Variants in LPP observed in about 807,000 individuals in gnomAD.
The protein encoded by LPP is LIM domain containing preferred translocation partner in lipoma, also known as lipoma-preferred partner.
In LPP, 38 loss-of-function variants were observed where a neutral mutation model predicts 60.4. That is an observed-to-expected ratio of 0.63 (90% CI 0.49 to 0.83). The LOEUF (loss-of-function observed/expected upper bound fraction) is 0.83, where lower values mean the gene tolerates loss of function less well. Ranked by LOEUF, LPP falls within the 40% of genes least tolerant of loss-of-function variation. LPP has a pLI of 0.00. For missense variants in LPP, 902 were observed against 783.6 expected, an observed-to-expected ratio of 1.15 and a Z score of -1.80; for synonymous variants, 328 against 290.8, an observed-to-expected ratio of 1.13 and a Z score of -1.30.
chr3:188,385,293 T>C (rs1777977297), intron 3 of LPP, among the ~76,000 whole-genome samples: 1 of 152,170 alleles, frequency 6.6e-6, no homozygotes, highest in Non-Finnish European at 1.5e-5. Flanking sequence ...AAGGCAGATA[T>C]TTCAGTTCTC....
At chr3:188,794,729 GT>G (rs145854570) in intron 9 of LPP, among the ~76,000 whole-genome samples, 30 of 149,572 alleles carry the variant, frequency 2.0e-4, no homozygotes, top group Non-Finnish European at 3.4e-4. Context: ...CATGACAAAG[GT>G]TTTTTTTTTC....
chr3:188,760,372 T>A (rs937627006), intron 9 of LPP, 90 bp downstream of exon 9: 1 of 1,380,564 alleles, frequency 7.2e-7, no homozygotes, highest in African/African-American at 1.4e-5. Context: ...AGCCATCAGA[T>A]CTTTGCTTCT....
chr3:188,190,251 G>C (rs146315212), intron 1 of LPP, among the ~76,000 whole-genome samples: 2,808 of 152,066 alleles, frequency 0.018, 61 homozygotes, highest in African/African-American at 0.064. Flanking sequence ...TAGAGACGGG[G>C]TTTCACCGTG....
chr3:188,500,585 GTGTT>G (rs2149861653), intron 5 of LPP, among the ~76,000 whole-genome samples: 2 of 152,062 alleles, frequency 1.3e-5, no homozygotes, highest in East Asian at 3.9e-4. Flanking sequence ...GAGTTAGGAA[GTGTT>G]TCCTTCTTTT....
At chr3:188,297,029 C>T (rs183296214) in intron 2 of LPP, among the ~76,000 whole-genome samples, 14 of 152,178 alleles carry the variant, frequency 9.2e-5, no homozygotes, top group Non-Finnish European at 2.1e-4. Context: ...CAAATGTCAA[C>T]ATAGTTCCTT....
intron 4 of LPP, among the ~76,000 whole-genome samples, chr3:188,462,585 T>TATATATATA (rs1799330861): frequency 4.4e-5 from 1 of 22,628 alleles, no homozygotes; most frequent in African/African-American, 1.4e-4. Context: ...TATATATATA[T>TATATATATA]GCATGTGTGT....
chr3:188,665,464 T>G (rs1855574604), intron 7 of LPP, among the ~76,000 whole-genome samples: 1 of 149,692 alleles, frequency 6.7e-6, no homozygotes. Context: ...CTTCTTCTTT[T>G]TTTTTTTTTT....
chr3:188,378,409 A>G lies in LPP; in HGVS notation c.-9-27703A>G, dbSNP rs536704380. 1.2e-3 allele frequency among the ~76,000 whole-genome samples: 176 copies of G among 152,242 alleles called. 1 individual carries two copies. The highest frequency in any genetic ancestry group is 2.0e-3 in the Non-Finnish European group (138 of 68,024). ...ACCTAATCAAACAACTAACTGGGCA[A>G]TGGCAGGCGCCCCTCCCCCAGCCTC... On this transcript the variant is annotated intron_variant, in intron 3 of 11. Coordinates refer to ENST00000617246, the MANE Select transcript of LPP (RefSeq NM_001375462.1).
At chr3:188,460,793 T>C (rs1414348514) in intron 4 of LPP, among the ~76,000 whole-genome samples, 1 of 152,162 alleles carries the variant, frequency 6.6e-6, no homozygotes, top group African/African-American at 2.4e-5. Flanking sequence ...ATAAGTAATA[T>C]AGAGCAGGGA....
chr3:188,265,603 G>A (rs902001545), intron 2 of LPP, among the ~76,000 whole-genome samples: 4 of 152,172 alleles, frequency 2.6e-5, no homozygotes, highest in African/African-American at 7.2e-5. Flanking sequence ...GGGATTGGGG[G>A]AAGGATATTG....
At chr3:188,418,997 G>A (rs895268151) in intron 4 of LPP, among the ~76,000 whole-genome samples, 5 of 152,030 alleles carry the variant, frequency 3.3e-5, no homozygotes, top group African/African-American at 1.2e-4. Flanking sequence ...TGTTAATGTT[G>A]TAATGACTTG....
In LPP at chr3:188,658,061, A is replaced by G. The variant is rs1397823742; in HGVS notation, c.1113+48217A>G. On this transcript the variant is annotated intron_variant, in intron 7 of 11. Transcript: ENST00000617246. ...AATCAACACAGTGACAGTGACAACG[A>G]ATGAGTAACCAGTGTTTTGTTTTTG... 4.6e-5 allele frequency among the ~76,000 whole-genome samples: 7 copies of G among 151,980 alleles called. No homozygotes were observed. In the East Asian group the frequency reaches 1.3e-3, roughly 29 times the overall value.
At position 188,583,288 on chromosome 3, in the gene LPP, C is replaced by T. The variant is rs568283602; in HGVS notation, c.430-25873C>T. ...GATGTGTAGTATCTCATTCCCACCCCGCTTATGCACCATGCTATAGTCACA... is the reference window on the plus strand; with the variant it reads ...GATGTGTAGTATCTCATTCCCACCCTGCTTATGCACCATGCTATAGTCACA... On this transcript the variant is annotated intron_variant, in intron 6 of 11. Transcript: ENST00000617246. 6.6e-5 allele frequency among the ~76,000 whole-genome samples: 10 copies of T among 152,196 alleles called. No homozygotes were observed. The East Asian group carries it at 1.2e-3, about 18-fold the overall frequency.
At chr3:188,750,508 C>G (rs1014718618) in intron 8 of LPP, among the ~76,000 whole-genome samples, 6 of 152,100 alleles carry the variant, frequency 3.9e-5, no homozygotes, top group African/African-American at 1.2e-4. Flanking sequence ...TGGCACACAC[C>G]TGTAATCCCA....
chr3:188,495,082 A>ATTTTTTT (rs373434961), intron 5 of LPP, among the ~76,000 whole-genome samples: 75 of 97,246 alleles, frequency 7.7e-4, no homozygotes, highest in African/African-American at 2.7e-3. Flanking sequence ...ATATATATAT[A>ATTTTTTT]TTTTATTTAT....
Position 188,249,904 on chromosome 3 carries a change from T to A in LPP, c.-67+24377T>A, listed in dbSNP as rs1206225566. Among the ~76,000 whole-genome samples, 200 of 101,086 alleles carry A rather than the reference T, an allele frequency of 2.0e-3. 3 individuals carry two copies. The highest frequency in any genetic ancestry group is 5.2e-3 in the African/African-American group (100 of 19,248). The allele number at this position is 101,086 out of a possible 152,430, so 66.3% of individuals were successfully genotyped here. A position where few individuals can be genotyped will look rare whatever the true frequency, so the allele number is the denominator to read the frequency against. ...CACCCCATATATATATATATATATTTTTTTTTTTTCCAGAAGTATTTCAGA... is the reference window on the plus strand; with the variant it reads ...CACCCCATATATATATATATATATTATTTTTTTTTCCAGAAGTATTTCAGA... On this transcript the variant is annotated intron_variant, in intron 2 of 11. Transcript: ENST00000617246.
rs745594904 is a variant in LPP, at chr3:188,879,200, T to C, written c.*4721T>C. On this transcript the variant is annotated 3_prime_UTR_variant, in exon 12 of 12. Transcript: ENST00000617246. ...TAGCCTTATTTCAAACCTTAAAAAG[T>C]TACCTGACTGAAGCTACTATGACTT... is the stretch of plus-strand genomic sequence containing the variant. The C allele has an allele frequency of 8.7e-6, 2 of 230,942 alleles. No homozygotes were observed. Among genetic ancestry groups the C allele is most frequent in the Non-Finnish European group, 1.7e-5 (2 of 116,688 alleles). The allele number at this position is 230,942 out of a possible 1,614,324, so 14.3% of individuals were successfully genotyped here.
rs1714251453 is a variant in LPP at position 188,217,850 on chromosome 3, G to A, written c.-189-7555G>A. ...TTTGGGCCAGTGCACAGAGGATGGT[G>A]GCTTCCTGCCTTTGGCTTCCCAGCT... On this transcript the variant is annotated intron_variant, in intron 1 of 11. Coordinates refer to ENST00000617246, the MANE Select transcript of LPP (RefSeq NM_001375462.1). This position sits in a 1 kb window ranked among gnomAD's most constrained non-coding sequence, Gnocchi z 4.0. Among the ~76,000 whole-genome samples, 1 of 152,172 alleles carries A rather than the reference G, an allele frequency of 6.6e-6. No homozygotes were observed. Among genetic ancestry groups the A allele is most frequent in the South Asian group, 2.1e-4 (1 of 4,828 alleles).
At chr3:188,722,479 C>G (rs1040097649) in intron 8 of LPP, among the ~76,000 whole-genome samples, 3 of 152,122 alleles carry the variant, frequency 2.0e-5, no homozygotes, top group African/African-American at 7.2e-5. Context: ...GTCAGGAAAT[C>G]CAAGTGTAAG....
Sources: gnomAD v4.1 joint callset for allele counts (sites outside exome capture counted in the v4.1 genomes callset) on GRCh38, gnomAD v4.1.1 for gene constraint, Gnocchi (gnomAD v3.1) non-coding constraint, MANE v1.5 for transcripts, NCBI Gene and HGNC (gene_info 2026-07-23, HGNC 2026-07-21) for gene names.